Variants in DRC8 observed in about 807,000 individuals in gnomAD.
DRC8 encodes dynein regulatory complex protein 8.
At chr1:245,006,229 T>A in the DRC8 span, among the ~76,000 whole-genome samples, 1 of 152,130 alleles carries the variant, frequency 6.6e-6, no homozygotes, top group Non-Finnish European at 1.5e-5. Flanking sequence ...ATGGGTGGAA[T>A]GGGAAGTGAG....
chr1:245,019,572 T>C, the DRC8 span, among the ~76,000 whole-genome samples: 4 of 152,064 alleles, frequency 2.6e-5, no homozygotes, highest in Non-Finnish European at 5.9e-5. Context: ...GGGGTGTTGC[T>C]ATGTTGCCCA....
chr1:245,009,891 G>A, the DRC8 span, among the ~76,000 whole-genome samples: 1 of 152,232 alleles, frequency 6.6e-6, no homozygotes, highest in East Asian at 1.9e-4. Flanking sequence ...GTCTCTCTCT[G>A]TTGCCCAGGC....
the DRC8 span, among the ~76,000 whole-genome samples, chr1:245,024,092 C>T: frequency 6.6e-6 from 1 of 152,106 alleles, no homozygotes; most frequent in Admixed American, 6.6e-5. Flanking sequence ...ATCGTTTGAA[C>T]CCGGGAGACG....
the DRC8 span, among the ~76,000 whole-genome samples, chr1:245,106,505 A>G: frequency 4.0e-5 from 6 of 151,754 alleles, no homozygotes; most frequent in Non-Finnish European, 7.4e-5. Context: ...TCAATATTTA[A>G]TATATTTAAA....
At chr1:245,086,252 T>C in the DRC8 span, among the ~76,000 whole-genome samples, 1 of 152,218 alleles carries the variant, frequency 6.6e-6, no homozygotes, top group Admixed American at 6.5e-5. Context: ...GGAAGTAATA[T>C]GTAAGATGTA....
the DRC8 span, among the ~76,000 whole-genome samples, chr1:245,118,795 A>AAAAAAAG: frequency 7.2e-6 from 1 of 138,484 alleles, no homozygotes; most frequent in Non-Finnish European, 1.5e-5. Context: ...GCCATCTCAA[A>AAAAAAAG]AAAAGAAAAG....
chr1:245,117,108 A>C, the DRC8 span, among the ~76,000 whole-genome samples: 2 of 152,178 alleles, frequency 1.3e-5, no homozygotes, highest in African/African-American at 4.8e-5. Context: ...GCTGGAGGGC[A>C]GTGGTACAAT....
chr1:245,016,919 C>T, the DRC8 span, among the ~76,000 whole-genome samples: 1 of 152,124 alleles, frequency 6.6e-6, no homozygotes, highest in Non-Finnish European at 1.5e-5. Flanking sequence ...ATAGAGAGGC[C>T]GCTGCTGGAA....
chr1:245,087,129 C>A, the DRC8 span: 2 of 1,443,302 alleles, frequency 1.4e-6, no homozygotes, highest in Non-Finnish European at 1.9e-6. Context: ...CTCCAGGGAG[C>A]GTAACTAGTG....
At chr1:244,985,379 G>A in the DRC8 span, among the ~76,000 whole-genome samples, 1 of 152,314 alleles carries the variant, frequency 6.6e-6, no homozygotes, top group Admixed American at 6.5e-5. Flanking sequence ...TGTCAAATGA[G>A]GAGCATAGCA....
the DRC8 span, among the ~76,000 whole-genome samples, chr1:245,094,348 T>C: frequency 8.5e-5 from 13 of 152,286 alleles, no homozygotes; most frequent in African/African-American, 3.1e-4. Context: ...TTTTTAAGCC[T>C]CTTATCAGTT....
At chr1:245,006,244 A>G in the DRC8 span, among the ~76,000 whole-genome samples, 7 of 152,176 alleles carry the variant, frequency 4.6e-5, no homozygotes, top group Non-Finnish European at 7.3e-5. Flanking sequence ...AGTGAGAGAA[A>G]GGAGACTAAA....
the DRC8 span, among the ~76,000 whole-genome samples, chr1:245,065,954 T>A: frequency 6.6e-6 from 1 of 152,024 alleles, no homozygotes. Context: ...TTTACAGCTT[T>A]TCAAACATAT....
the DRC8 span, among the ~76,000 whole-genome samples, chr1:244,984,846 C>G: frequency 2.9e-3 from 269 of 93,142 alleles, no homozygotes; most frequent in Non-Finnish European, 5.0e-3. Context: ...AAACACCCCC[C>G]CTTCAAAAAA....
At chr1:245,100,514 C>T in the DRC8 span, among the ~76,000 whole-genome samples, 1 of 152,098 alleles carries the variant, frequency 6.6e-6, no homozygotes, top group Non-Finnish European at 1.5e-5. Flanking sequence ...GGCACAGTGG[C>T]TTATGCCTGT....
the DRC8 span, among the ~76,000 whole-genome samples, chr1:245,028,641 G>C: frequency 6.6e-6 from 1 of 152,128 alleles, no homozygotes; most frequent in Non-Finnish European, 1.5e-5. Context: ...TTGAGAGAGA[G>C]GAGTGGAACT....
chr1:245,080,027 C>T, the DRC8 span, among the ~76,000 whole-genome samples: 7 of 151,754 alleles, frequency 4.6e-5, no homozygotes, highest in African/African-American at 1.5e-4. Context: ...AATTTTCTGC[C>T]GAGAGTGGAG....
chr1:244,992,680 C>A, the DRC8 span, among the ~76,000 whole-genome samples: 2 of 152,130 alleles, frequency 1.3e-5, no homozygotes, highest in Non-Finnish European at 2.9e-5. Flanking sequence ...GCGAAGGTTG[C>A]AGTGAGCCGA....
At chr1:245,081,184 C>T in the DRC8 span, among the ~76,000 whole-genome samples, 45 of 150,236 alleles carry the variant, frequency 3.0e-4, no homozygotes, top group Middle Eastern at 3.5e-3. Context: ...TTTTTTGAGA[C>T]GGAGTCTCGC....
Sources: allele counts gnomAD v4.1 joint callset (sites outside exome capture counted in the v4.1 genomes callset), GRCh38; gene constraint gnomAD v4.1.1; transcripts MANE v1.5; gene names NCBI Gene and HGNC (gene_info 2026-07-23, HGNC 2026-07-21).